Variants in RBFOX1 observed in about 807,000 individuals in gnomAD.
RBFOX1 encodes RNA binding fox-1 homolog 1.
RBFOX1 carries 8 observed loss-of-function variants against 57.7 expected under a neutral mutation model. That is an observed-to-expected ratio of 0.14 (90% confidence interval 0.08 to 0.25). RBFOX1 has a LOEUF of 0.25. Among genes scored for constraint, RBFOX1 ranks in the 10% least tolerant of loss-of-function variants. RBFOX1 has a pLI of 1.00. For synonymous variants in RBFOX1, 326 were observed against 222.4 expected (o/e 1.47, Z -4.15); for missense variants, 611 against 548.5 (o/e 1.11, Z -1.14).
At chr16:5,253,376 T>A (rs2062504721) in intron 1 of RBFOX1, among the ~76,000 whole-genome samples, 1 of 152,168 alleles carries the variant, frequency 6.6e-6, no homozygotes. Context: ...GGTCTTGAAC[T>A]CCTGACCTCA....
At chr16:6,537,980 AT>A (rs1194056443) in intron 2 of RBFOX1, among the ~76,000 whole-genome samples, 3 of 151,844 alleles carry the variant, frequency 2.0e-5, no homozygotes, top group African/African-American at 7.2e-5. Flanking sequence ...TGATTTGCAG[AT>A]TAATTCTATC....
chr16:5,877,995 C>A (rs1463973167), intron 4 of RBFOX1, among the ~76,000 whole-genome samples: 2 of 152,224 alleles, frequency 1.3e-5, no homozygotes, highest in Non-Finnish European at 2.9e-5. Flanking sequence ...CCACCTCCTA[C>A]CTCACACTTG....
At chr16:7,187,692 A>G (rs546173475) in intron 4 of RBFOX1, among the ~76,000 whole-genome samples, 187 of 7,076 alleles carry the variant, frequency 0.026, 2 homozygotes, top group African/African-American at 0.076. Context: ...CTGTCTCACA[A>G]AAAAAAAAAA....
At chr16:6,216,033 A>C (rs1232585596) in intron 1 of RBFOX1, among the ~76,000 whole-genome samples, 1 of 152,178 alleles carries the variant, frequency 6.6e-6, no homozygotes, top group African/African-American at 2.4e-5. Flanking sequence ...ACAGGAACTG[A>C]AAACCAAATA....
At chr16:6,492,623 C>G (rs1026902815) in intron 2 of RBFOX1, among the ~76,000 whole-genome samples, 2 of 152,042 alleles carry the variant, frequency 1.3e-5, no homozygotes, top group Admixed American at 6.6e-5. Context: ...TTTGACCCAG[C>G]CTTTCTGCCT....
chr16:6,947,189 T>C (rs889403190), intron 3 of RBFOX1, among the ~76,000 whole-genome samples: 2 of 152,182 alleles, frequency 1.3e-5, no homozygotes, highest in Non-Finnish European at 2.9e-5. Context: ...CAACTCTTTA[T>C]GTGAAGGATG....
At chr16:6,004,515 G>C (rs1409703033) in intron 4 of RBFOX1, among the ~76,000 whole-genome samples, 1 of 152,218 alleles carries the variant, frequency 6.6e-6, no homozygotes, top group Non-Finnish European at 1.5e-5. Flanking sequence ...GAGACTTTTA[G>C]TCTATGGCCA....
At chr16:6,943,839 C>A (rs938868915) in intron 3 of RBFOX1, among the ~76,000 whole-genome samples, 1 of 152,122 alleles carries the variant, frequency 6.6e-6, no homozygotes, top group Non-Finnish European at 1.5e-5. Context: ...AAACGCTGAG[C>A]TGTAACCATT....
intron 2 of RBFOX1, among the ~76,000 whole-genome samples, chr16:5,531,612 C>T (rs2044480321): frequency 6.6e-6 from 1 of 151,526 alleles, no homozygotes; most frequent in Non-Finnish European, 1.5e-5. Flanking sequence ...GTTTTTTCAT[C>T]TGTGTAATAG....
At chr16:7,675,412 A>AC (rs2072983440) in intron 13 of RBFOX1, among the ~76,000 whole-genome samples, 1 of 151,900 alleles carries the variant, frequency 6.6e-6, no homozygotes, top group Non-Finnish European at 1.5e-5. Flanking sequence ...GGGAAACAAA[A>AC]AAAAAAAAAA....
intron 4 of RBFOX1, among the ~76,000 whole-genome samples, chr16:7,464,757 C>T (rs1345152694): frequency 2.4e-5 from 3 of 124,726 alleles, no homozygotes; most frequent in East Asian, 2.6e-4. Flanking sequence ...AGTGCAGTCG[C>T]GTGATCTCGG....
At position 5,566,474 on chromosome 16, in the gene RBFOX1, C is replaced by T. The variant is rs183674489; in HGVS notation, c.259-32428C>T. Among the ~76,000 whole-genome samples the T allele has an allele frequency of 3.3e-4, 50 of 152,048 alleles. No homozygotes were observed. The East Asian group carries it at 8.1e-3, about 25-fold the overall frequency. Reference sequence around the variant, plus strand: ...GAGTTTAATGTGTAGAACCCGCTCCCTCGGGTTGTTATATTTTGTCTTTGG... The same window carrying T: ...GAGTTTAATGTGTAGAACCCGCTCCTTCGGGTTGTTATATTTTGTCTTTGG... On this transcript the variant is annotated intron_variant, in intron 2 of 2. Coordinates refer to the RBFOX1 transcript ENST00000585867.
chr16:6,672,496 G>A (rs1244648169), intron 3 of RBFOX1, among the ~76,000 whole-genome samples: 6 of 150,086 alleles, frequency 4.0e-5, no homozygotes, highest in South Asian at 4.2e-4. Context: ...AAGGGAGGGA[G>A]GAAGAAAGGA....
At chr16:5,922,496 A>G (rs186151553) in intron 4 of RBFOX1, among the ~76,000 whole-genome samples, 230 of 152,274 alleles carry the variant, frequency 1.5e-3, no homozygotes, top group Non-Finnish European at 2.6e-3. Context: ...TGCCCAGCTC[A>G]GGGCAGAGGA....
intron 12 of RBFOX1, among the ~76,000 whole-genome samples, chr16:7,656,350 G>A (rs72776836): frequency 0.027 from 4,133 of 152,232 alleles, 87 homozygotes; most frequent in Middle Eastern, 0.075. Context: ...CTTTTCCTCT[G>A]GAATAAACAG....
At chr16:6,343,530 C>T (rs981281609) in intron 2 of RBFOX1, among the ~76,000 whole-genome samples, 3 of 152,216 alleles carry the variant, frequency 2.0e-5, no homozygotes, top group Non-Finnish European at 4.4e-5. Flanking sequence ...TTCCTGTTCT[C>T]TTTCATTCCT....
intron 4 of RBFOX1, among the ~76,000 whole-genome samples, chr16:7,239,840 A>C (rs2093966559): frequency 6.6e-6 from 1 of 152,194 alleles, no homozygotes; most frequent in Admixed American, 6.5e-5. Context: ...TCATTTTTCT[A>C]CTTGAAACTA....
intron 4 of RBFOX1, among the ~76,000 whole-genome samples, chr16:7,388,223 C>T (rs916577410): frequency 6.6e-6 from 1 of 152,088 alleles, no homozygotes; most frequent in Non-Finnish European, 1.5e-5. Context: ...TACAGACACA[C>T]AAGGTTGGTG....
intron 2 of RBFOX1, among the ~76,000 whole-genome samples, chr16:5,521,831 A>C (rs77332862): frequency 2.6e-5 from 4 of 152,194 alleles, no homozygotes; most frequent in Admixed American, 1.3e-4. Context: ...GGAAGTTCAC[A>C]TGTTATTCCT....
Sources: gnomAD v4.1 joint callset for allele counts (sites outside exome capture counted in the v4.1 genomes callset) on GRCh38, gnomAD v4.1.1 for gene constraint, MANE v1.5 for transcripts, NCBI Gene and HGNC (gene_info 2026-07-23, HGNC 2026-07-21) for gene names.